The following SLC12A7 variants were observed in gnomAD, a reference collection of about 807,000 sequenced individuals.
SLC12A7 encodes K-Cl cotransporter 4.
SLC12A7 carries 100 observed loss-of-function variants against 120.6 expected under a neutral mutation model. The ratio of observed to expected loss-of-function variants is 0.83; its 90% CI spans 0.71 to 0.98. SLC12A7 has a LOEUF of 0.98. Ranked by LOEUF, SLC12A7 falls within the 50% of genes least tolerant of loss-of-function variation. SLC12A7 has a pLI of 0.00. For synonymous variants in SLC12A7, 760 were observed against 678.0 expected (o/e 1.12, Z -1.88); for missense variants, 1,373 against 1,548.1 (o/e 0.89, Z 1.90).
intron 20 of SLC12A7, among the ~76,000 whole-genome samples, chr5:1,063,568 C>T (rs1477721697): frequency 1.3e-5 from 2 of 152,084 alleles, no homozygotes; most frequent in Non-Finnish European, 2.9e-5. Context: ...CCTTGACCAC[C>T]CCGCAAGGCC....
chr5:1,099,642 TTAAGGGC>T (rs1741801621), intron 1 of SLC12A7, among the ~76,000 whole-genome samples: 2 of 152,186 alleles, frequency 1.3e-5, no homozygotes, highest in Non-Finnish European at 2.9e-5. Flanking sequence ...ATCTCCACAT[TTAAGGGC>T]TGAAATGCTG....
At chr5:1,113,700 A>C (rs972530257), upstream of SLC12A7, among the ~76,000 whole-genome samples, 2 of 152,140 alleles carry the variant, frequency 1.3e-5, no homozygotes, top group South Asian at 2.1e-4. Flanking sequence ...CCAGAAGATA[A>C]AATAGTTCCC....
At position 1,050,526 on chromosome 5, in the gene SLC12A7, A is replaced by G. The variant is rs1232937145; in HGVS notation, c.*1834T>C. The G allele has an allele frequency of 7.7e-6, 2 of 260,408 alleles. No individual in the cohort carries two copies. Among genetic ancestry groups the G allele is most frequent in the Non-Finnish European group, 1.4e-5 (2 of 138,970 alleles). The allele number at this position is 260,408 out of a possible 1,614,324, so 16.1% of individuals were successfully genotyped here. On this transcript the variant is annotated 3_prime_UTR_variant, in exon 24 of 24. Coordinates refer to ENST00000264930, the MANE Select transcript of SLC12A7 (RefSeq NM_006598.3). The stretch of plus-strand genomic sequence containing the variant: ...AAGGATGCCTGGTGCTTGCGTGCAG[A>G]GGCTGCAGCCCAGGGCGGGGGCAGA...
intron 8 of SLC12A7, among the ~76,000 whole-genome samples, chr5:1,082,703 CCA>C: frequency 6.6e-6 from 1 of 150,762 alleles, no homozygotes; most frequent in South Asian, 2.1e-4. Flanking sequence ...TCCGGGCTTC[CCA>C]TCTCGGGTTC....
In SLC12A7 at chr5:1,055,892, G is replaced by T. The variant is rs79026744; in HGVS notation, c.3026+1579C>A. Among the ~76,000 whole-genome samples the T allele has an allele frequency of 8.5e-5, 13 of 152,296 alleles. No homozygotes were observed. The East Asian group carries it at 2.5e-3, about 29-fold the overall frequency. On this transcript the variant is annotated intron_variant, in intron 22 of 23. Coordinates refer to ENST00000264930, the MANE Select transcript of SLC12A7 (RefSeq NM_006598.3). Reference sequence around the variant, plus strand: ...CTTGAGTCTGATTAATTCAGGTTTCGGGGTTAAAGATAAAAAGGGAAGGGA... The same window carrying T: ...CTTGAGTCTGATTAATTCAGGTTTCTGGGTTAAAGATAAAAAGGGAAGGGA...
Position 1,077,919 on chromosome 5 carries a change from T to C in SLC12A7, c.1543A>G (p.Thr515Ala). 1 of 1,599,604 alleles carries C rather than the reference T, an allele frequency of 6.3e-7. No individual in the cohort carries two copies. The highest frequency in any genetic ancestry group is 1.1e-5 in the South Asian group (1 of 89,084). The change falls in exon 12 of 24, where the codon ACC becomes GCC. Residue 515 changes from threonine (T) to alanine (A), a missense_variant. Transcript: ENST00000264930. ...AGGCTCTGCAGGCCGGCACCGCAGG[T>C]GGAGAAGAAGGAGCCGATGACGATG... is the stretch of plus-strand genomic sequence containing the variant. Reference protein sequence around the residue: ...WVIVIGSFFSTCGAGLQSLTG... With the variant: ...WVIVIGSFFSACGAGLQSLTG...
intron 22 of SLC12A7, among the ~76,000 whole-genome samples, chr5:1,053,780 G>A (rs2150773164): frequency 6.6e-6 from 1 of 152,370 alleles, no homozygotes; most frequent in South Asian, 2.1e-4. Context: ...CAAACCGCAA[G>A]CGCTTTCCTA....
intron 13 of SLC12A7, 65 bp downstream of exon 13, chr5:1,076,629 T>A: frequency 8.1e-6 from 10 of 1,229,488 alleles, no homozygotes; most frequent in Non-Finnish European, 1.2e-5. Flanking sequence ...GGACCTCCCA[T>A]CCACACTGCC....
At chr5:1,115,936 C>CT (rs764200065), upstream of SLC12A7, among the ~76,000 whole-genome samples, 20 of 141,446 alleles carry the variant, frequency 1.4e-4, no homozygotes, top group South Asian at 2.2e-4. Flanking sequence ...AAAAACAAAC[C>CT]TTTTTTTTTT....
chr5:1,051,973 ATGTTC>A lies in SLC12A7; in HGVS notation c.*382_*386del, dbSNP rs1489530874. On this transcript the variant is annotated 3_prime_UTR_variant, in exon 24 of 24. Coordinates refer to ENST00000264930, the MANE Select transcript of SLC12A7 (RefSeq NM_006598.3). ...TTCAGCTCCGGGTGCTCTTCCAAGA[ATGTTC>A]TGGATGGGGTAGAAATGCAACCTAA... The A allele has an allele frequency of 5.4e-5, 12 of 220,532 alleles. No individual in the cohort carries two copies. The highest frequency in any genetic ancestry group is 2.8e-4 in the African/African-American group (12 of 43,530). 13.7% of individuals were successfully genotyped at this position (220,532 alleles called of 1,614,324 possible). A position where few individuals can be genotyped will look rare whatever the true frequency, so the allele number is the denominator to read the frequency against.
chr5:1,110,129 C>T (rs1475753395), intron 1 of SLC12A7, among the ~76,000 whole-genome samples: 2 of 152,246 alleles, frequency 1.3e-5, no homozygotes, highest in Non-Finnish European at 2.9e-5. Flanking sequence ...AGCTGCGTGC[C>T]CGTTACAGCC....
the SLC12A7 span, among the ~76,000 whole-genome samples, chr5:1,131,378 G>A: frequency 6.6e-6 from 1 of 152,222 alleles, no homozygotes; most frequent in Non-Finnish European, 1.5e-5. Context: ...TGAAGGGTGT[G>A]GGGGAGGGAG....
chr5:1,143,289 C>T, the SLC12A7 span, among the ~76,000 whole-genome samples: 12 of 152,358 alleles, frequency 7.9e-5, no homozygotes, highest in Middle Eastern at 6.8e-3. Flanking sequence ...TGTAACAAAG[C>T]GCCATGGGCG....
intron 1 of SLC12A7, among the ~76,000 whole-genome samples, chr5:1,103,371 G>T (rs1742194296): frequency 6.6e-6 from 1 of 152,184 alleles, no homozygotes; most frequent in African/African-American, 2.4e-5. Context: ...AAGCCTGGCT[G>T]GAAGGTCCTG....
rs1312386948 is a variant in SLC12A7, at chr5:1,052,195, T to C, written c.*165A>G. 1.6e-6 allele frequency: 1 copy of C among 637,804 alleles called. No homozygotes were observed. Among genetic ancestry groups the C allele is most frequent in the Non-Finnish European group, 2.8e-6 (1 of 355,100 alleles). The allele number at this position is 637,804 out of a possible 1,614,324, so 39.5% of individuals were successfully genotyped here. A position where few individuals can be genotyped will look rare whatever the true frequency, so the allele number is the denominator to read the frequency against. The stretch of plus-strand genomic sequence containing the variant: ...CTGTTAAGGCTGAACAGGAGAGCCC[T>C]AGGTGACGGGCCTAGAAACTTCCGT... On this transcript the variant is annotated 3_prime_UTR_variant, in exon 24 of 24. Transcript: ENST00000264930.
rs1440354456 is a variant in SLC12A7, at chr5:1,083,872, G to A, written c.1002C>T (p.Ala334=). ...VKAYGIHNNS[A]TSALWGLFCN... is the part of the protein sequence containing the mutation. ...AGAAGAGGCCCCAGAGCGCGGAGGT[G>A]GCTGAGTTGTTGTGGATGCCGTAGG... is the stretch of plus-strand genomic sequence containing the variant. The change falls in exon 8 of 24, where the codon GCC becomes GCT. Residue 334 remains alanine, a synonymous_variant. Coordinates refer to ENST00000264930, the MANE Select transcript of SLC12A7 (RefSeq NM_006598.3). The A allele has an allele frequency of 3.7e-6, 6 of 1,608,426 alleles. No individual in the cohort carries two copies. In the South Asian group the frequency reaches 6.6e-5, roughly 18 times the overall value.
chr5:1,111,859 C>T lies in SLC12A7; in HGVS notation c.124+9G>A. On this transcript the variant is annotated intron_variant, in intron 1 of 23. Coordinates refer to ENST00000264930, the MANE Select transcript of SLC12A7 (RefSeq NM_006598.3). ...CGGCCTTTGTCCGGCCAGGTGCGGCCGCGCTCACCCGGGCTGGGGCGCTCG... is the reference window on the plus strand; with the variant it reads ...CGGCCTTTGTCCGGCCAGGTGCGGCTGCGCTCACCCGGGCTGGGGCGCTCG... The T allele has an allele frequency of 3.3e-6, 4 of 1,207,686 alleles. No individual in the cohort carries two copies. The highest frequency in any genetic ancestry group is 4.1e-6 in the Non-Finnish European group (4 of 972,094). 74.8% of individuals were successfully genotyped at this position (1,207,686 alleles called of 1,614,324 possible). A position where few individuals can be genotyped will look rare whatever the true frequency, so the allele number is the denominator to read the frequency against.
the SLC12A7 span, among the ~76,000 whole-genome samples, chr5:1,140,684 C>T: frequency 1.3e-5 from 2 of 152,264 alleles, no homozygotes; most frequent in South Asian, 2.1e-4. Context: ...AAGCTCTGCT[C>T]ACCAGGCAAC....
At chr5:1,142,363 C>T in the SLC12A7 span, among the ~76,000 whole-genome samples, 1 of 98,428 alleles carries the variant, frequency 1.0e-5, no homozygotes, top group Non-Finnish European at 2.0e-5. Context: ...TCTCCCCTCT[C>T]CCCTCCACCC....
Sources: allele counts gnomAD v4.1 joint callset (sites outside exome capture counted in the v4.1 genomes callset), GRCh38; gene constraint gnomAD v4.1.1; transcripts MANE v1.5; gene names NCBI Gene and HGNC (gene_info 2026-07-23, HGNC 2026-07-21).